Variants in ERBB4 observed in about 807,000 individuals in gnomAD.
The protein encoded by ERBB4 is erb-b2 receptor tyrosine kinase 4.
In ERBB4, 42 loss-of-function variants were observed where a neutral mutation model predicts 158.0. That is an observed-to-expected ratio of 0.27 (90% CI 0.21 to 0.34). The LOEUF (loss-of-function observed/expected upper bound fraction) is 0.34, where lower values mean the gene tolerates loss of function less well. Ranked by LOEUF, ERBB4 falls within the 10% of genes least tolerant of loss-of-function variation. The pLI is 1.00. For missense variants in ERBB4, 1,333 were observed against 1,624.1 expected, an observed-to-expected ratio of 0.82 and a Z score of 3.08; for synonymous variants, 583 against 558.7, an observed-to-expected ratio of 1.04 and a Z score of -0.61.
At chr2:212,526,844 C>T (rs1056733089) in intron 1 of ERBB4, among the ~76,000 whole-genome samples, 4 of 152,100 alleles carry the variant, frequency 2.6e-5, no homozygotes, top group East Asian at 3.9e-4. Context: ...TGGGTGTTAG[C>T]GCAACTGCTT....
intron 1 of ERBB4, among the ~76,000 whole-genome samples, chr2:212,462,554 A>G (rs1688627809): frequency 6.6e-6 from 1 of 152,224 alleles, no homozygotes; most frequent in Non-Finnish European, 1.5e-5. Context: ...CCAATGAGAT[A>G]TCATCACACC....
chr2:212,133,953 T>C (rs2080189038), intron 1 of ERBB4, among the ~76,000 whole-genome samples: 1 of 152,244 alleles, frequency 6.6e-6, no homozygotes. Flanking sequence ...TAAGGTTTTA[T>C]GCTGAGTGTT....
intron 3 of ERBB4, among the ~76,000 whole-genome samples, chr2:211,854,829 T>A (rs1210025082): frequency 6.6e-6 from 1 of 152,140 alleles, no homozygotes; most frequent in Non-Finnish European, 1.5e-5. Context: ...TGTATATGTG[T>A]GTGTATGTGT....
chr2:211,810,247 T>C (rs1258954332), intron 3 of ERBB4, among the ~76,000 whole-genome samples: 1 of 152,246 alleles, frequency 6.6e-6, no homozygotes, highest in African/African-American at 2.4e-5. Context: ...GATATCGTTG[T>C]TAACCTTCTG....
At chr2:211,818,665 G>A (rs1166126468) in intron 3 of ERBB4, among the ~76,000 whole-genome samples, 1 of 151,982 alleles carries the variant, frequency 6.6e-6, no homozygotes, top group Non-Finnish European at 1.5e-5. Flanking sequence ...TCAGGCATTA[G>A]CTCTTGGAAT....
Position 211,989,165 on chromosome 2 carries a change from T to A in ERBB4, c.235-41549A>T, listed in dbSNP as rs979987232. ...CAAATATTTACCAGATGACCTACTT[T>A]GATTATAATGAGTTTCTAAAAAGAT... On this transcript the variant is annotated intron_variant, in intron 2 of 27. Transcript: ENST00000342788. Among the ~76,000 whole-genome samples, 3 of 152,110 alleles carry A rather than the reference T, an allele frequency of 2.0e-5. No homozygotes were observed. The East Asian group carries it at 5.8e-4, about 29-fold the overall frequency.
intron 1 of ERBB4, among the ~76,000 whole-genome samples, chr2:212,198,145 C>T (rs545882011): frequency 6.6e-6 from 1 of 152,246 alleles, no homozygotes; most frequent in East Asian, 1.9e-4. Context: ...CTTTATACTA[C>T]TGAGATTGTC....
chr2:212,048,475 A>G (rs763668323), intron 2 of ERBB4, among the ~76,000 whole-genome samples: 5 of 152,186 alleles, frequency 3.3e-5, no homozygotes, highest in African/African-American at 7.2e-5. Flanking sequence ...GAAGGTAAAA[A>G]TTAATAAAAT....
chr2:211,807,555 TG>T (rs1361629326), intron 3 of ERBB4, among the ~76,000 whole-genome samples: 2 of 152,224 alleles, frequency 1.3e-5, no homozygotes, highest in Admixed American at 1.3e-4. Context: ...GATGGATATT[TG>T]GGTTGGTTCC....
chr2:211,895,902 C>T (rs2079085790), intron 3 of ERBB4, among the ~76,000 whole-genome samples: 1 of 152,148 alleles, frequency 6.6e-6, no homozygotes, highest in South Asian at 2.1e-4. Context: ...TCTGATTTCT[C>T]ATGAACAGTT....
At chr2:212,306,464 C>A (rs1486785046) in intron 1 of ERBB4, among the ~76,000 whole-genome samples, 1 of 151,376 alleles carries the variant, frequency 6.6e-6, no homozygotes, top group Non-Finnish European at 1.5e-5. Flanking sequence ...TGCCCCATTT[C>A]TTTATTTAAT....
At chr2:211,413,309 A>AAAAAAAAAAAAAAACACACAC (rs1553524037) in intron 25 of ERBB4, among the ~76,000 whole-genome samples, 1 of 94,558 alleles carries the variant, frequency 1.1e-5, no homozygotes, top group Non-Finnish European at 2.3e-5. Context: ...CTGTCTTAAA[A>AAAAAAAAAAAAAAACACACAC]ACACACACAC....
intron 1 of ERBB4, among the ~76,000 whole-genome samples, chr2:212,245,463 A>G (rs1437283357): frequency 1.3e-5 from 2 of 152,204 alleles, no homozygotes; most frequent in African/African-American, 4.8e-5. Flanking sequence ...ACAGTTCTCT[A>G]TGTGGTTGTC....
At chr2:211,435,668 C>T (rs537559554) in intron 20 of ERBB4, among the ~76,000 whole-genome samples, 1 of 152,104 alleles carries the variant, frequency 6.6e-6, no homozygotes, top group African/African-American at 2.4e-5. Context: ...TGCATGCGAG[C>T]GATCTAGGTT....
chr2:211,858,478 T>C (rs2077928569), intron 3 of ERBB4, among the ~76,000 whole-genome samples: 1 of 152,240 alleles, frequency 6.6e-6, no homozygotes, highest in Admixed American at 6.5e-5. Flanking sequence ...TCAGCATGGT[T>C]TGATTTAGAC....
intron 1 of ERBB4, among the ~76,000 whole-genome samples, chr2:212,305,369 T>G (rs1052592936): frequency 2.0e-5 from 3 of 151,448 alleles, no homozygotes; most frequent in Non-Finnish European, 4.4e-5. Context: ...ATTAATGATT[T>G]TTATTCCACT....
intron 1 of ERBB4, among the ~76,000 whole-genome samples, chr2:212,453,490 T>A (rs1688110656): frequency 6.6e-6 from 1 of 152,148 alleles, no homozygotes; most frequent in Non-Finnish European, 1.5e-5. Context: ...AGGTTCAGTG[T>A]TTTGTTTTTT....
At chr2:212,135,423 T>TA (rs561608074) in intron 1 of ERBB4, among the ~76,000 whole-genome samples, 13 of 152,136 alleles carry the variant, frequency 8.5e-5, no homozygotes, top group Non-Finnish European at 1.6e-4. Context: ...TTGGTAAAAT[T>TA]AAAAAATTGC....
chr2:211,817,617 T>C (rs1417765811), intron 3 of ERBB4, among the ~76,000 whole-genome samples: 1 of 152,114 alleles, frequency 6.6e-6, no homozygotes, highest in Admixed American at 6.6e-5. Context: ...AGTAATGGAA[T>C]TTTCACTGGG....
Sources: allele counts gnomAD v4.1 joint callset (sites outside exome capture counted in the v4.1 genomes callset), GRCh38; gene constraint gnomAD v4.1.1; transcripts MANE v1.5; gene names NCBI Gene and HGNC (gene_info 2026-07-23, HGNC 2026-07-21).